The following AQP7B variants were observed in gnomAD, a reference collection of about 807,000 sequenced individuals.
AQP7B encodes aquaporin 7B.
the AQP7B span, among the ~76,000 whole-genome samples, chr2:94,598,978 A>T: frequency 6.6e-6 from 1 of 151,898 alleles, no homozygotes; most frequent in African/African-American, 2.4e-5. Context: ...AATTTTTTGT[A>T]TCTTTAGTAG....
the AQP7B span, chr2:94,602,533 A>T: frequency 1.2e-6 from 2 of 1,604,444 alleles, no homozygotes; most frequent in South Asian, 2.2e-5. Flanking sequence ...TTCTAAATAA[A>T]ACATATGGGA....
chr2:94,603,752 T>A, the AQP7B span: 1 of 1,521,144 alleles, frequency 6.6e-7, no homozygotes. Context: ...CTCTTCACCA[T>A]CACGGACCAG....
At chr2:94,599,249 C>T in the AQP7B span, among the ~76,000 whole-genome samples, 3 of 152,228 alleles carry the variant, frequency 2.0e-5, no homozygotes, top group African/African-American at 4.8e-5. Flanking sequence ...TCACTCCCCC[C>T]GGCACCCCCA....
chr2:94,593,609 C>T, the AQP7B span, among the ~76,000 whole-genome samples: 3 of 151,624 alleles, frequency 2.0e-5, no homozygotes, highest in South Asian at 4.2e-4. Flanking sequence ...CCTCAGCCTC[C>T]GAAGTAGCTG....
At chr2:94,603,750 C>T in the AQP7B span, 1 of 1,517,808 alleles carries the variant, frequency 6.6e-7, no homozygotes, top group Non-Finnish European at 8.9e-7. Context: ...GTCTCTTCAC[C>T]ATCACGGACC....
At chr2:94,596,910 G>A in the AQP7B span, among the ~76,000 whole-genome samples, 7 of 152,174 alleles carry the variant, frequency 4.6e-5, no homozygotes, top group African/African-American at 1.7e-4. Context: ...GTGTTGGCCA[G>A]ACTGGTCTCG....
the AQP7B span, chr2:94,603,111 C>T: frequency 6.4e-7 from 1 of 1,572,148 alleles, no homozygotes; most frequent in Non-Finnish European, 8.7e-7. Flanking sequence ...GTTTCCAGTC[C>T]ATGTGCTGGG....
chr2:94,594,749 C>T, the AQP7B span: 3 of 1,574,720 alleles, frequency 1.9e-6, no homozygotes, highest in East Asian at 6.7e-5. Context: ...CTCAGGTCCA[C>T]CCGTGGCTCC....
the AQP7B span, chr2:94,602,610 T>A: frequency 2.5e-6 from 4 of 1,594,788 alleles, no homozygotes; most frequent in African/African-American, 1.3e-5. Flanking sequence ...GCAGGCCGCA[T>A]CTCTGGTGAG....
At chr2:94,593,697 G>C in the AQP7B span, among the ~76,000 whole-genome samples, 2 of 151,876 alleles carry the variant, frequency 1.3e-5, no homozygotes, top group Admixed American at 1.3e-4. Context: ...TGTTGTTCAG[G>C]CTGGTCTCGA....
chr2:94,591,157 C>T, the AQP7B span, among the ~76,000 whole-genome samples: 7 of 152,042 alleles, frequency 4.6e-5, no homozygotes, highest in African/African-American at 1.7e-4. Flanking sequence ...AGATGACAAT[C>T]TGTGATTTGC....
chr2:94,604,130 C>T, the AQP7B span, among the ~76,000 whole-genome samples: 51 of 152,240 alleles, frequency 3.3e-4, no homozygotes, highest in African/African-American at 1.1e-3. Context: ...CAACCCTGTC[C>T]CTGAATCGGG....
chr2:94,601,906 C>T, the AQP7B span, among the ~76,000 whole-genome samples: 5 of 152,018 alleles, frequency 3.3e-5, no homozygotes, highest in South Asian at 2.1e-4. Context: ...TCTGAGGAGC[C>T]GTGAGGGATG....
At chr2:94,603,326 G>A in the AQP7B span, 1 of 1,529,134 alleles carries the variant, frequency 6.5e-7, no homozygotes, top group Non-Finnish European at 8.9e-7. Context: ...CTCATTTCTG[G>A]GACCCCAGTG....
At chr2:94,596,116 C>T in the AQP7B span, among the ~76,000 whole-genome samples, 173 of 152,312 alleles carry the variant, frequency 1.1e-3, 2 homozygotes, top group East Asian at 0.024. Context: ...AAGCCGTCAG[C>T]GGCATGGGCA....
chr2:94,597,627 T>C, the AQP7B span, among the ~76,000 whole-genome samples: 18 of 145,080 alleles, frequency 1.2e-4, no homozygotes, highest in Admixed American at 1.1e-3. Flanking sequence ...TTTTTTTTTG[T>C]TTTTTTTTTG....
the AQP7B span, among the ~76,000 whole-genome samples, chr2:94,599,430 G>T: frequency 6.6e-6 from 1 of 151,992 alleles, no homozygotes; most frequent in Admixed American, 6.6e-5. Context: ...CCCCAAAGCT[G>T]CTCTGTACTC....
the AQP7B span, among the ~76,000 whole-genome samples, chr2:94,602,161 C>T: frequency 6.6e-6 from 1 of 151,986 alleles, no homozygotes; most frequent in African/African-American, 2.4e-5. Flanking sequence ...GGGTGCAATG[C>T]ATGCCAGCCA....
chr2:94,603,587 C>T, the AQP7B span: 2 of 1,420,696 alleles, frequency 1.4e-6, no homozygotes, highest in Non-Finnish European at 1.9e-6. Flanking sequence ...ATAGACAGGA[C>T]AAGAACTCTG....
Sources: gnomAD v4.1 joint callset for allele counts (sites outside exome capture counted in the v4.1 genomes callset) on GRCh38, gnomAD v4.1.1 for gene constraint, MANE v1.5 for transcripts, NCBI Gene and HGNC (gene_info 2026-07-23, HGNC 2026-07-21) for gene names.